Variants in CHSY3 observed in about 807,000 individuals in gnomAD.
CHSY3 encodes N-acetylgalactosaminyl-proteoglycan 3-beta-glucuronosyltransferase 3.
Under a neutral mutation model 67.2 loss-of-function variants are expected in CHSY3, and 35 were observed. The ratio of observed to expected loss-of-function variants is 0.52; its 90% CI spans 0.40 to 0.69. CHSY3 has a LOEUF of 0.69. Ranked by LOEUF, CHSY3 falls within the 30% of genes least tolerant of loss-of-function variation. The pLI, the probability that CHSY3 is intolerant of heterozygous loss-of-function variation, is 0.00. For synonymous variants in CHSY3, 474 were observed against 434.7 expected, an observed-to-expected ratio of 1.09 and a Z score of -1.12; for missense variants, 1,069 against 1,138.5, an observed-to-expected ratio of 0.94 and a Z score of 0.88.
chr5:130,017,158 G>A (rs1313538804), intron 2 of CHSY3, among the ~76,000 whole-genome samples: 3 of 151,746 alleles, frequency 2.0e-5, no homozygotes, highest in African/African-American at 4.8e-5. Flanking sequence ...GTGCTTGGAC[G>A]AAGAGGATAC....
At chr5:130,032,495 A>C (rs1764730058) in intron 2 of CHSY3, among the ~76,000 whole-genome samples, 1 of 152,080 alleles carries the variant, frequency 6.6e-6, no homozygotes, top group Non-Finnish European at 1.5e-5. Context: ...CCATTTCCAA[A>C]ATGAAAATGG....
At chr5:130,079,658 T>C (rs1766382988) in intron 2 of CHSY3, among the ~76,000 whole-genome samples, 2 of 152,128 alleles carry the variant, frequency 1.3e-5, no homozygotes, top group Non-Finnish European at 2.9e-5. Context: ...GCTGCCTGGC[T>C]TAAGGCAAAT....
At chr5:129,904,128 G>A (rs1476742656), upstream of CHSY3, among the ~76,000 whole-genome samples, 3 of 152,046 alleles carry the variant, frequency 2.0e-5, no homozygotes, top group African/African-American at 4.8e-5. Context: ...CGAGTGTCGG[G>A]AGGCCAGCGG....
intron 2 of CHSY3, among the ~76,000 whole-genome samples, chr5:130,131,566 G>T (rs1768484681): frequency 6.6e-6 from 1 of 152,056 alleles, no homozygotes; most frequent in Non-Finnish European, 1.5e-5. Flanking sequence ...TATAGTCATT[G>T]AATAGACAAG....
At chr5:130,068,219 A>G (rs1325967806) in intron 2 of CHSY3, among the ~76,000 whole-genome samples, 2 of 152,182 alleles carry the variant, frequency 1.3e-5, no homozygotes, top group African/African-American at 4.8e-5. Context: ...TATAATTGCA[A>G]GTGAAAGAGC....
At chr5:130,179,119 A>G (rs978002980) in intron 2 of CHSY3, among the ~76,000 whole-genome samples, 3 of 152,234 alleles carry the variant, frequency 2.0e-5, no homozygotes, top group African/African-American at 7.2e-5. Context: ...TTCAATAAAT[A>G]GTAAATGTGG....
intron 2 of CHSY3, among the ~76,000 whole-genome samples, chr5:130,067,842 T>C (rs1765932922): frequency 6.6e-6 from 1 of 152,198 alleles, no homozygotes; most frequent in South Asian, 2.1e-4. Context: ...TCCACACATC[T>C]ATCACAATAA....
chr5:130,077,816 C>CAT (rs1181390679), intron 2 of CHSY3, among the ~76,000 whole-genome samples: 10 of 150,274 alleles, frequency 6.7e-5, no homozygotes, highest in Admixed American at 2.0e-4. Flanking sequence ...TATATACACA[C>CAT]ATATATATAC....
chr5:130,139,708 A>G (rs1168033507), intron 2 of CHSY3, among the ~76,000 whole-genome samples: 1 of 152,208 alleles, frequency 6.6e-6, no homozygotes, highest in Non-Finnish European at 1.5e-5. Flanking sequence ...AGGTGCCATT[A>G]TAATAGGTAT....
At position 130,111,014 on chromosome 5, in the gene CHSY3, G is replaced by A. The variant is rs561846171; in HGVS notation, c.1087-73215G>A. ...CTTTCACCAACATTTAATTTCTTAT[G>A]TTGGCTGTTACTCATTCACAAACCT... is the stretch of plus-strand genomic sequence containing the variant. On this transcript the variant is annotated intron_variant, in intron 2 of 2. Coordinates refer to ENST00000305031, the MANE Select transcript of CHSY3 (RefSeq NM_175856.5). Among the ~76,000 whole-genome samples, 13 of 151,850 alleles carry A rather than the reference G, an allele frequency of 8.6e-5. No individual in the cohort carries two copies. The South Asian group carries it at 2.7e-3, about 32-fold the overall frequency.
intron 2 of CHSY3, among the ~76,000 whole-genome samples, chr5:129,985,237 C>T (rs1420797564): frequency 6.6e-6 from 1 of 152,168 alleles, no homozygotes; most frequent in Non-Finnish European, 1.5e-5. Flanking sequence ...TAGTCTTCTG[C>T]ATATGGCTAG....
At chr5:129,937,401 AG>A (rs1254485135) in intron 2 of CHSY3, among the ~76,000 whole-genome samples, 1 of 152,192 alleles carries the variant, frequency 6.6e-6, no homozygotes, top group Non-Finnish European at 1.5e-5. Flanking sequence ...CCTCCCACCA[AG>A]CCCCTCCTCC....
At chr5:130,089,069 G>T (rs1766778411) in intron 2 of CHSY3, among the ~76,000 whole-genome samples, 1 of 151,982 alleles carries the variant, frequency 6.6e-6, no homozygotes, top group African/African-American at 2.4e-5. Context: ...CATGTCCTTT[G>T]TAGGGACATG....
intron 2 of CHSY3, among the ~76,000 whole-genome samples, chr5:129,914,996 T>C (rs529177019): frequency 1.3e-4 from 20 of 152,334 alleles, no homozygotes; most frequent in African/African-American, 4.8e-4. Flanking sequence ...TCCAGGTCAG[T>C]TTCCTACTTT....
chr5:129,918,807 T>TA (rs1243261781), intron 2 of CHSY3, among the ~76,000 whole-genome samples: 125 of 48,574 alleles, frequency 2.6e-3, no homozygotes, highest in South Asian at 4.5e-3. Context: ...TGATTCTCTT[T>TA]TAAAAAAAAA....
At chr5:129,918,951 C>CA (rs1316050592) in intron 2 of CHSY3, among the ~76,000 whole-genome samples, 3 of 143,084 alleles carry the variant, frequency 2.1e-5, no homozygotes, top group Non-Finnish European at 4.6e-5. Context: ...ACTAAAAATA[C>CA]AAAAAATTAG....
Position 130,185,288 on chromosome 5 carries a change from T to C in CHSY3, c.2146T>C (p.Phe716Leu). Residue 716 changes from phenylalanine (F) to leucine (L), a missense_variant, in exon 3 of 3, where the codon TTT (phenylalanine) becomes CTT (leucine). Coordinates refer to ENST00000305031, the MANE Select transcript of CHSY3 (RefSeq NM_175856.5). ...AQFDNDTLLL[F>L]CDVDLIFRED... Reference sequence around the variant, plus strand: ...GTTTGACAATGACACTTTGCTGCTATTTTGTGATGTTGACTTGATCTTCAG... The same window carrying C: ...GTTTGACAATGACACTTTGCTGCTACTTTGTGATGTTGACTTGATCTTCAG... 6.2e-7 allele frequency: 1 copy of C among 1,611,646 alleles called. No individual in the cohort carries two copies.
intron 2 of CHSY3, among the ~76,000 whole-genome samples, chr5:130,109,692 A>AT (rs896614444): frequency 1.4e-4 from 21 of 149,734 alleles, no homozygotes; most frequent in Admixed American, 2.0e-4. Flanking sequence ...GAGGAGAGTA[A>AT]TTTTTTTTTT....
At chr5:130,100,487 T>C (rs148227852) in intron 2 of CHSY3, among the ~76,000 whole-genome samples, 24 of 152,272 alleles carry the variant, frequency 1.6e-4, no homozygotes, top group African/African-American at 5.3e-4. Flanking sequence ...AATGCATCTA[T>C]ATCCTTGATG....
Sources: allele counts gnomAD v4.1 joint callset (sites outside exome capture counted in the v4.1 genomes callset), GRCh38; gene constraint gnomAD v4.1.1; transcripts MANE v1.5; gene names NCBI Gene and HGNC (gene_info 2026-07-23, HGNC 2026-07-21).